Variants in FCGR2A observed in about 807,000 individuals in gnomAD.
FCGR2A encodes the protein low affinity immunoglobulin gamma Fc region receptor II-a.
Under a neutral mutation model 29.3 loss-of-function variants are expected in FCGR2A, and 18 were observed. The ratio of observed to expected loss-of-function variants is 0.62; its 90% CI spans 0.43 to 0.91. The LOEUF (loss-of-function observed/expected upper bound fraction) is 0.91, where lower values mean the gene tolerates loss of function less well. FCGR2A is among the 40% of genes least tolerant of loss of function. FCGR2A has a pLI of 0.00. For synonymous variants in FCGR2A, 126 were observed against 144.8 expected (o/e 0.87, Z 0.93); for missense variants, 287 against 393.0 (o/e 0.73, Z 2.28).
At chr1:161,513,656 G>C (rs1675958341) in intron 5 of FCGR2A, 1 of 586,338 alleles carries the variant, frequency 1.7e-6, no homozygotes. Flanking sequence ...TGAAAAGAGT[G>C]TGGCCCAAGT....
At chr1:161,516,515 A>T (rs1182338410) in intron 6 of FCGR2A, among the ~76,000 whole-genome samples, 1 of 152,030 alleles carries the variant, frequency 6.6e-6, no homozygotes, top group Admixed American at 6.6e-5. Context: ...ATAAAAAGTC[A>T]GTAAAGTCTC....
In FCGR2A at chr1:161,519,319, A is replaced by G. The variant is rs963507584; in HGVS notation, c.*1171A>G. Reference sequence around the variant, plus strand: ...CTTGACATCAAGAATCTTCTGTTCCACATCCACACAGCCAATACAATTAGT... The same window carrying G: ...CTTGACATCAAGAATCTTCTGTTCCGCATCCACACAGCCAATACAATTAGT... On this transcript the variant is annotated 3_prime_UTR_variant, in exon 7 of 7. Coordinates refer to ENST00000271450, the MANE Select transcript of FCGR2A (RefSeq NM_001136219.3). 1 of 152,656 alleles carries G rather than the reference A, an allele frequency of 6.6e-6. No homozygotes were observed. Among genetic ancestry groups the G allele is most frequent in the Admixed American group, 6.5e-5 (1 of 15,276 alleles). The allele number at this position is 152,656 out of a possible 1,614,324, so 9.5% of individuals were successfully genotyped here.
chr1:161,509,706 T>A, intron 3 of FCGR2A, 114 bp from the exon 4 acceptor site: 2 of 1,371,746 alleles, frequency 1.5e-6, no homozygotes, highest in Non-Finnish European at 2.0e-6. Context: ...TGAAGCATCT[T>A]CATTTCTGTC....
downstream of FCGR2A, among the ~76,000 whole-genome samples, chr1:161,521,324 T>G (rs1256550047): frequency 6.6e-6 from 1 of 152,036 alleles, no homozygotes; most frequent in Non-Finnish European, 1.5e-5. Context: ...AGTAAAGCGC[T>G]TAATAAATAT....
rs1487882177 is a variant in FCGR2A at position 161,506,434 on chromosome 1, G to A, written c.207G>A (p.Glu69=). 3.7e-6 allele frequency: 6 copies of A among 1,614,098 alleles called. No individual in the cohort carries two copies. In the African/African-American group the frequency reaches 4.0e-5, roughly 11 times the overall value. The change falls in exon 3 of 7, where the codon GAG becomes GAA. Residue 69 remains glutamate (E), a synonymous_variant. Transcript: ENST00000271450. ...TLTCQGARSP[E]SDSIQWFHNG... is the part of the protein sequence containing the mutation. ...CATGCCAGGGGGCTCGCAGCCCTGA[G>A]AGCGACTCCATTCAGTGGTTCCACA...
chr1:161,513,547 T>G (rs1675950683), intron 5 of FCGR2A: 1 of 441,916 alleles, frequency 2.3e-6, no homozygotes, highest in Non-Finnish European at 4.1e-6. Flanking sequence ...AATCTGGACT[T>G]TACTTCACTC....
chr1:161,515,313 C>T (rs1676080959), intron 6 of FCGR2A, among the ~76,000 whole-genome samples: 1 of 152,214 alleles, frequency 6.6e-6, no homozygotes. Context: ...TGCTAACGTC[C>T]TTAAAAAATT....
chr1:161,508,587 C>CAA (rs10648106), intron 3 of FCGR2A, among the ~76,000 whole-genome samples: 1,205 of 88,388 alleles, frequency 0.014, 12 homozygotes, highest in African/African-American at 0.051. Context: ...AACTCCATCT[C>CAA]AAAAAAAAAA....
intron 3 of FCGR2A, among the ~76,000 whole-genome samples, chr1:161,507,628 G>A (rs1025851477): frequency 6.6e-6 from 1 of 152,230 alleles, no homozygotes; most frequent in Non-Finnish European, 1.5e-5. Context: ...GATCCTGGCT[G>A]TGGAGTCGCT....
At chr1:161,506,924 C>T (rs1346207074) in intron 3 of FCGR2A, among the ~76,000 whole-genome samples, 1 of 152,084 alleles carries the variant, frequency 6.6e-6, no homozygotes, top group Non-Finnish European at 1.5e-5. Flanking sequence ...TGTGGCAATG[C>T]GGTAAAGCAG....
chr1:161,521,359 C>T (rs1467019336), downstream of FCGR2A, among the ~76,000 whole-genome samples: 2 of 151,848 alleles, frequency 1.3e-5, no homozygotes, highest in African/African-American at 2.4e-5. Flanking sequence ...AATTCTTTGA[C>T]GTTTGAAATC....
chr1:161,520,381 G>A (rs1676405956), downstream of FCGR2A, among the ~76,000 whole-genome samples: 2 of 151,854 alleles, frequency 1.3e-5, no homozygotes. Flanking sequence ...AAAACCCTAA[G>A]CTCTCGTGAG....
chr1:161,508,970 C>A (rs1227638406), intron 3 of FCGR2A, among the ~76,000 whole-genome samples: 1 of 152,046 alleles, frequency 6.6e-6, no homozygotes, highest in Non-Finnish European at 1.5e-5. Flanking sequence ...ACAGTATGGT[C>A]TGAATGTTTC....
At chr1:161,509,129 G>A (rs960723061) in intron 3 of FCGR2A, among the ~76,000 whole-genome samples, 4 of 152,206 alleles carry the variant, frequency 2.6e-5, no homozygotes, top group African/African-American at 7.2e-5. Context: ...GGCCTCTTCC[G>A]CCATGTGAGG....
Position 161,506,574 on chromosome 1 carries a change from A to C in FCGR2A, c.347A>C (p.His116Pro), listed in dbSNP as rs1557828583. Residue 116 changes from histidine (H) to proline (P), a missense_variant, in exon 3 of 7, where the codon CAT becomes CCT. By Grantham distance (77) the His-to-Pro change is moderately conservative. Around this residue, in one of 3 missense-constraint regions of FCGR2A, gnomAD observed 181 missense variants for 250.9 expected, o/e 0.72. Transcript: ENST00000271450. ...TGQTSLSDPV[H>P]LTVLSEWLVL... ...CAGACCAGCCTCAGCGACCCTGTGC[A>C]TCTGACTGTGCTTTCCGGTCAGTGG... 1 of 1,614,156 alleles carries C rather than the reference A, an allele frequency of 6.2e-7. No individual in the cohort carries two copies. Among genetic ancestry groups the C allele is most frequent in the East Asian group, 2.2e-5 (1 of 44,884 alleles).
downstream of FCGR2A, among the ~76,000 whole-genome samples, chr1:161,521,138 C>T (rs1233377102): frequency 6.7e-6 from 1 of 149,828 alleles, no homozygotes; most frequent in Non-Finnish European, 1.5e-5. Flanking sequence ...TGTCCCTTTC[C>T]TTCTTCATTT....
rs2102490257 is a variant in FCGR2A, at chr1:161,518,213, T to C, written c.*65T>C. The C allele has an allele frequency of 6.4e-7, 1 of 1,570,240 alleles. No homozygotes were observed. Among genetic ancestry groups the C allele is most frequent in the Non-Finnish European group, 8.6e-7 (1 of 1,161,262 alleles). On this transcript the variant is annotated 3_prime_UTR_variant, in exon 7 of 7. Transcript: ENST00000271450. ...TGAGTGGATGACAAAAAGAGGGGAA[T>C]TGTTAAAGGAAAATTTAAATGGAGA...
chr1:161,520,387 G>A (rs1376307938), downstream of FCGR2A, among the ~76,000 whole-genome samples: 2 of 151,872 alleles, frequency 1.3e-5, no homozygotes, highest in South Asian at 2.1e-4. Context: ...CTAAGCTCTC[G>A]TGAGACTCAC....
downstream of FCGR2A, among the ~76,000 whole-genome samples, chr1:161,520,851 A>C (rs1256068096): frequency 6.6e-6 from 1 of 151,984 alleles, no homozygotes; most frequent in Non-Finnish European, 1.5e-5. Flanking sequence ...GAGCTTTTCC[A>C]ATATTCTACA....
Sources: gnomAD v4.1 joint callset for allele counts (sites outside exome capture counted in the v4.1 genomes callset) on GRCh38, gnomAD v4.1.1 for gene constraint, gnomAD v4.1.1 regional missense constraint, MANE v1.5 for transcripts, NCBI Gene and HGNC (gene_info 2026-07-23, HGNC 2026-07-21) for gene names.